Variants in MEF2C observed in about 807,000 individuals in gnomAD.
MEF2C encodes myocyte-specific enhancer factor 2C.
Under a neutral mutation model 50.5 loss-of-function variants are expected in MEF2C, and 6 were observed. That is an observed-to-expected ratio of 0.12 (90% CI 0.07 to 0.23). The LOEUF is 0.23. MEF2C is among the 10% of genes least tolerant of loss of function. The pLI, the probability that MEF2C is intolerant of heterozygous loss-of-function variation, is 1.00. For synonymous variants in MEF2C, 183 were observed against 228.0 expected (o/e 0.80, Z 1.78); for missense variants, 276 against 605.0 (o/e 0.46, Z 5.70).
intron 5 of MEF2C, 110 bp from the exon 6 acceptor site, chr5:88,749,227 T>TGTAAA (rs1391547777): frequency 7.6e-7 from 1 of 1,314,248 alleles, no homozygotes; most frequent in African/African-American, 1.5e-5. Flanking sequence ...GTCATAAACT[T>TGTAAA]GTAAAGTACA....
intron 1 of MEF2C, chr5:88,838,734 T>C (rs1016341925): frequency 8.7e-5 from 86 of 984,986 alleles, no homozygotes; most frequent in Non-Finnish European, 1.0e-4. Flanking sequence ...CTCCTCTTTT[T>C]CCTTCTCGTT....
chr5:88,734,685 G>C (rs1763382864), intron 6 of MEF2C: 2 of 980,544 alleles, frequency 2.0e-6, no homozygotes, highest in African/African-American at 1.8e-5. Flanking sequence ...CAGGGCAGCA[G>C]TAGGGGAAAA....
chr5:88,818,600 C>T (rs1806711173), intron 2 of MEF2C, among the ~76,000 whole-genome samples: 1 of 151,910 alleles, frequency 6.6e-6, no homozygotes, highest in African/African-American at 2.4e-5. Flanking sequence ...ATTTAGGAAA[C>T]GACTTCTCCC....
chr5:88,751,339 A>G (rs1772632393), intron 5 of MEF2C: 5 of 985,404 alleles, frequency 5.1e-6, no homozygotes, highest in Non-Finnish European at 6.0e-6. Context: ...TTTTTATTTC[A>G]CATGTCTTAC....
intron 6 of MEF2C, chr5:88,737,067 A>G (rs1439764011): frequency 1.0e-6 from 1 of 984,922 alleles, no homozygotes; most frequent in Non-Finnish European, 1.2e-6. Flanking sequence ...ACAAATAGAT[A>G]TATAGAATAT....
intron 6 of MEF2C, chr5:88,748,217 A>G: frequency 1.0e-6 from 1 of 981,156 alleles, no homozygotes; most frequent in Non-Finnish European, 1.2e-6. Context: ...CCCTGGCAAA[A>G]TATTTTAATT....
intron 3 of MEF2C, chr5:88,770,076 AC>A (rs1174676158): frequency 3.5e-6 from 3 of 862,152 alleles, no homozygotes; most frequent in African/African-American, 3.7e-5. Flanking sequence ...ACAAGACAGA[AC>A]TATAAATTAA....
intron 7 of MEF2C, among the ~76,000 whole-genome samples, chr5:88,730,810 C>T (rs1386037708): frequency 1.3e-5 from 2 of 152,164 alleles, no homozygotes; most frequent in Non-Finnish European, 2.9e-5. Context: ...AATCAGCTCA[C>T]AGGACTGTTT....
chr5:88,852,850 G>T (rs1410893266), intron 1 of MEF2C, among the ~76,000 whole-genome samples: 2 of 152,104 alleles, frequency 1.3e-5, no homozygotes, highest in East Asian at 1.9e-4. Flanking sequence ...GAGAGGTGGC[G>T]CTTGCAGTGA....
At chr5:88,877,551 T>C (rs1831444705) in intron 1 of MEF2C, among the ~76,000 whole-genome samples, 1 of 152,046 alleles carries the variant, frequency 6.6e-6, no homozygotes, top group Non-Finnish European at 1.5e-5. Flanking sequence ...TCATAGAACA[T>C]TCTTTAATTA....
At position 88,823,820 on chromosome 5, in the gene MEF2C, G is replaced by A. The variant is rs1375463255; in HGVS notation, c.-32C>T. On this transcript the variant is annotated 5_prime_UTR_variant, in exon 2 of 11. Coordinates refer to ENST00000504921, the MANE Select transcript of MEF2C (RefSeq NM_002397.5). ...CGTTTTTCTTCTCTCTCTCGTCCCT[G>A]AAATTATGTATTTTTTCCTTCCTTT... The A allele has an allele frequency of 4.4e-6, 7 of 1,602,280 alleles. No individual in the cohort carries two copies. The highest frequency in any genetic ancestry group is 6.0e-6 in the Non-Finnish European group (7 of 1,174,164).
intron 3 of MEF2C, among the ~76,000 whole-genome samples, chr5:88,790,948 C>T (rs1204521003): frequency 6.6e-6 from 1 of 152,112 alleles, no homozygotes; most frequent in East Asian, 1.9e-4. Context: ...ATAAACACTC[C>T]TTAATGAAAA....
At chr5:88,874,382 A>G (rs1830456657) in intron 1 of MEF2C, among the ~76,000 whole-genome samples, 1 of 151,978 alleles carries the variant, frequency 6.6e-6, no homozygotes, top group African/African-American at 2.4e-5. Flanking sequence ...GCCTAAATAG[A>G]AGCATAGTTT....
intron 6 of MEF2C, chr5:88,748,259 T>C (rs867589349): frequency 4.5e-6 from 4 of 891,792 alleles, no homozygotes; most frequent in Middle Eastern, 5.7e-4. Flanking sequence ...ATAAACTTGA[T>C]TTTTTTTGAC....
In MEF2C at chr5:88,836,563, G is replaced by A. The variant is rs563271773; in HGVS notation, c.-142-12633C>T. ...GCTAGGAATAGAGGTGTTCTCAGAC[G>A]AGCAAAATGTTTCCTCCATACAATC... On this transcript the variant is annotated intron_variant, in intron 1 of 10. Coordinates refer to ENST00000504921, the MANE Select transcript of MEF2C (RefSeq NM_002397.5). Among the ~76,000 whole-genome samples the A allele has an allele frequency of 9.9e-4, 151 of 152,268 alleles. 1 individual carries two copies. Among genetic ancestry groups the A allele is most frequent in the African/African-American group, 3.4e-3 (143 of 41,548 alleles).
At chr5:88,824,231 C>A (rs1809847052) in intron 1 of MEF2C, 1 of 975,512 alleles carries the variant, frequency 1.0e-6, no homozygotes, top group Non-Finnish European at 1.2e-6. Context: ...GTTTCCTAAT[C>A]TTTTTAATGA....
intron 1 of MEF2C, among the ~76,000 whole-genome samples, chr5:88,824,633 A>G (rs1273719163): frequency 6.6e-6 from 1 of 152,088 alleles, no homozygotes; most frequent in East Asian, 1.9e-4. Flanking sequence ...AAGCATTGAC[A>G]CAAAATAAAT....
chr5:88,867,639 G>T (rs1250342543), intron 1 of MEF2C, among the ~76,000 whole-genome samples: 1 of 152,054 alleles, frequency 6.6e-6, no homozygotes, highest in African/African-American at 2.4e-5. Flanking sequence ...AATAATATAA[G>T]CTTTTACACA....
intron 1 of MEF2C, among the ~76,000 whole-genome samples, chr5:88,825,231 T>C (rs142668494): frequency 6.6e-6 from 1 of 152,108 alleles, no homozygotes; most frequent in East Asian, 1.9e-4. Flanking sequence ...CTGATTTCTT[T>C]AATTTAATTT....
Sources: gnomAD v4.1 joint callset for allele counts (sites outside exome capture counted in the v4.1 genomes callset) on GRCh38, gnomAD v4.1.1 for gene constraint, MANE v1.5 for transcripts, NCBI Gene and HGNC (gene_info 2026-07-23, HGNC 2026-07-21) for gene names.